ZMIZ1: variants seen among roughly 807,000 people sequenced by gnomAD.
The protein encoded by ZMIZ1 is zinc finger MIZ-type containing 1.
ZMIZ1 carries 17 observed loss-of-function variants against 113.9 expected under a neutral mutation model. The ratio of observed to expected loss-of-function variants is 0.15; its 90% CI spans 0.10 to 0.22. The LOEUF (loss-of-function observed/expected upper bound fraction) is 0.22. ZMIZ1 is among the 10% of genes least tolerant of loss of function. The pLI is 1.00. For missense variants in ZMIZ1, 1,059 were observed against 1,477.8 expected, an observed-to-expected ratio of 0.72 and a Z score of 4.65; for synonymous variants, 607 against 603.1, an observed-to-expected ratio of 1.01 and a Z score of -0.09.
At position 79,282,293 on chromosome 10, in the gene ZMIZ1, T is replaced by C. The variant is rs574638567; in HGVS notation, c.425+4968T>C. 5.3e-5 allele frequency among the ~76,000 whole-genome samples: 8 copies of C among 152,336 alleles called. No individual in the cohort carries two copies. The East Asian group carries it at 1.5e-3, about 29-fold the overall frequency. ...TGGCTTGGAGGCAGGAAGCTCTTTT[T>C]GCCTTTTCATTAAGGCGACATTGAG... On this transcript the variant is annotated intron_variant, in intron 8 of 24. Transcript: ENST00000334512.
intron 4 of ZMIZ1, among the ~76,000 whole-genome samples, chr10:79,166,382 C>T (rs892186279): frequency 6.6e-5 from 10 of 152,226 alleles, no homozygotes; most frequent in Non-Finnish European, 1.0e-4. Flanking sequence ...TGCTCTTTGG[C>T]GGGTCTGAGA....
chr10:79,098,331 G>A (rs796836098), intron 1 of ZMIZ1, among the ~76,000 whole-genome samples: 54 of 152,252 alleles, frequency 3.5e-4, no homozygotes, highest in African/African-American at 1.2e-3. Flanking sequence ...GCAGTGTAGT[G>A]TGGTGGTTAG....
chr10:79,198,872 A>G (rs12360138), intron 4 of ZMIZ1, among the ~76,000 whole-genome samples: 5,518 of 152,152 alleles, frequency 0.036, 167 homozygotes, highest in South Asian at 0.15. Context: ...CATCTCTATT[A>G]AAAATATAAA....
At chr10:79,080,805 A>G (rs1842633616) in intron 1 of ZMIZ1, among the ~76,000 whole-genome samples, 1 of 152,050 alleles carries the variant, frequency 6.6e-6, no homozygotes, top group Non-Finnish European at 1.5e-5. Flanking sequence ...GGGGGTTGGA[A>G]TCCTCATGGG....
chr10:79,204,756 G>A (rs2132667231), intron 5 of ZMIZ1, among the ~76,000 whole-genome samples: 1 of 152,310 alleles, frequency 6.6e-6, no homozygotes, highest in South Asian at 2.1e-4. Flanking sequence ...ATGGACATAT[G>A]GGCAGATAGT....
At chr10:79,249,035 T>C (rs1308714785) in intron 7 of ZMIZ1, among the ~76,000 whole-genome samples, 1 of 152,170 alleles carries the variant, frequency 6.6e-6, no homozygotes, top group Non-Finnish European at 1.5e-5. Context: ...CGCAGAAGAT[T>C]TAGCAAGGTC....
At chr10:79,123,902 G>A (rs1014276354) in intron 2 of ZMIZ1, among the ~76,000 whole-genome samples, 1 of 152,226 alleles carries the variant, frequency 6.6e-6, no homozygotes, top group Non-Finnish European at 1.5e-5. Flanking sequence ...TCCAGGGTCC[G>A]CATATGGCAT....
intron 3 of ZMIZ1, among the ~76,000 whole-genome samples, chr10:79,154,820 A>G (rs1278228472): frequency 2.0e-5 from 3 of 152,196 alleles, no homozygotes; most frequent in Non-Finnish European, 4.4e-5. Context: ...TCCCAGAGCC[A>G]TGGGTCTTTC....
chr10:79,253,902 G>T (rs1055574467), intron 7 of ZMIZ1, among the ~76,000 whole-genome samples: 3 of 152,010 alleles, frequency 2.0e-5, no homozygotes, highest in Non-Finnish European at 4.4e-5. Flanking sequence ...ATGCTGACAC[G>T]CACACTCACA....
At chr10:79,114,506 C>CGT (rs57304757) in intron 1 of ZMIZ1, among the ~76,000 whole-genome samples, 9,259 of 92,798 alleles carry the variant, frequency 0.1, 670 homozygotes, top group African/African-American at 0.23. Flanking sequence ...TGTGTGTGTG[C>CGT]GTGTGTGTGT....
chr10:79,205,609 T>C (rs1256265614), intron 5 of ZMIZ1, among the ~76,000 whole-genome samples: 1 of 152,212 alleles, frequency 6.6e-6, no homozygotes, highest in Non-Finnish European at 1.5e-5. Context: ...CAGCCCTGAA[T>C]GCCATCACTA....
At chr10:79,149,665 G>T (rs1845632201) in intron 3 of ZMIZ1, among the ~76,000 whole-genome samples, 1 of 152,238 alleles carries the variant, frequency 6.6e-6, no homozygotes, top group Admixed American at 6.5e-5. Context: ...TTGTCCTCAT[G>T]TGGGGCTGCG....
intron 1 of ZMIZ1, among the ~76,000 whole-genome samples, chr10:79,085,263 G>T (rs1187707625): frequency 2.0e-5 from 3 of 150,960 alleles, no homozygotes; most frequent in African/African-American, 7.3e-5. Flanking sequence ...CAACCCTGCA[G>T]CACCTGGGCA....
chr10:79,243,214 G>A (rs1309014567), intron 7 of ZMIZ1, among the ~76,000 whole-genome samples: 1 of 150,994 alleles, frequency 6.6e-6, no homozygotes, highest in Non-Finnish European at 1.5e-5. Flanking sequence ...GGGTCCGCGA[G>A]CGCGGCGCAG....
chr10:79,079,514 A>G (rs926569017), intron 1 of ZMIZ1, among the ~76,000 whole-genome samples: 1 of 152,222 alleles, frequency 6.6e-6, no homozygotes. Context: ...TGACTCTTGA[A>G]GATGTGAATA....
rs965035666 is a variant in ZMIZ1, at chr10:79,094,241, C to T, written c.-336-24674C>T. ...TCCGGCTGCAGCCGGGCCTGTTTACCGAGGCTGCTGGCATTGCATGCCAGG... is the reference window on the plus strand; with the variant it reads ...TCCGGCTGCAGCCGGGCCTGTTTACTGAGGCTGCTGGCATTGCATGCCAGG... On this transcript the variant is annotated intron_variant, in intron 1 of 24. Coordinates refer to ENST00000334512, the MANE Select transcript of ZMIZ1 (RefSeq NM_020338.4). 5.3e-5 allele frequency among the ~76,000 whole-genome samples: 8 copies of T among 152,326 alleles called. No individual in the cohort carries two copies. In the East Asian group the frequency reaches 5.8e-4, roughly 11 times the overall value.
At chr10:79,141,031 T>G (rs1477612304) in intron 3 of ZMIZ1, among the ~76,000 whole-genome samples, 1 of 152,118 alleles carries the variant, frequency 6.6e-6, no homozygotes, top group African/African-American at 2.4e-5. Flanking sequence ...AGCCCTGCCC[T>G]GAGAGGGTGT....
At chr10:79,211,148 C>T (rs1589429043) in intron 6 of ZMIZ1, among the ~76,000 whole-genome samples, 2 of 152,276 alleles carry the variant, frequency 1.3e-5, no homozygotes, top group African/African-American at 4.8e-5. Flanking sequence ...CTTCAGTGCT[C>T]AGGGTATTTT....
At chr10:79,100,771 T>G (rs1843338739) in intron 1 of ZMIZ1, among the ~76,000 whole-genome samples, 1 of 152,112 alleles carries the variant, frequency 6.6e-6, no homozygotes, top group Non-Finnish European at 1.5e-5. Flanking sequence ...ATCATGTGGC[T>G]GGTAGGGGGT....
Sources: allele counts gnomAD v4.1 joint callset (sites outside exome capture counted in the v4.1 genomes callset), GRCh38; gene constraint gnomAD v4.1.1; transcripts MANE v1.5; gene names NCBI Gene and HGNC (gene_info 2026-07-23, HGNC 2026-07-21).